ST7: variants seen among roughly 807,000 people sequenced by gnomAD.
ST7 encodes suppressor of tumorigenicity 7 protein.
Under a neutral mutation model 78.7 loss-of-function variants are expected in ST7, and 28 were observed. That is an observed-to-expected ratio of 0.36 (90% CI 0.26 to 0.49). ST7 has a LOEUF of 0.49. Ranked by LOEUF, ST7 falls within the 20% of genes least tolerant of loss-of-function variation. ST7 has a pLI of 0.99. For synonymous variants in ST7, 247 were observed against 249.6 expected (o/e 0.99, Z 0.10); for missense variants, 418 against 696.0 (o/e 0.60, Z 4.49).
chr7:117,223,875 T>G (rs1185169341), intron 15 of ST7: 2 of 867,092 alleles, frequency 2.3e-6, no homozygotes, highest in Non-Finnish European at 2.8e-6. Context: ...TTGCTCATAG[T>G]AGGTTTTCAA....
intron 15 of ST7, chr7:117,222,742 C>G (rs2116188678): frequency 1.2e-6 from 1 of 813,570 alleles, no homozygotes; most frequent in East Asian, 2.5e-5. Context: ...GAGTTTCAAA[C>G]AGAAGGAATA....
Position 117,222,686 on chromosome 7 carries a change from A to G in ST7, c.1638+624A>G, listed in dbSNP as rs997652664. On this transcript the variant is annotated intron_variant, in intron 15 of 15. Transcript: ENST00000323984. ...TCTTTGTTGAAAACTGACCATTTCAACCTGCACATGCAGTTGAGGATAAGT... is the reference window on the plus strand; with the variant it reads ...TCTTTGTTGAAAACTGACCATTTCAGCCTGCACATGCAGTTGAGGATAAGT... Among the ~76,000 whole-genome samples the G allele has an allele frequency of 9.2e-5, 14 of 152,212 alleles. 1 individual carries two copies. The highest frequency in any genetic ancestry group is 3.4e-4 in the African/African-American group (14 of 41,444).
intron 9 of ST7, among the ~76,000 whole-genome samples, chr7:117,152,877 CAG>C (rs141833976): frequency 2.6e-5 from 4 of 151,086 alleles, no homozygotes; most frequent in Non-Finnish European, 3.0e-5. Flanking sequence ...ATGTCTGTCT[CAG>C]AGAGAGAGAG....
chr7:117,006,904 A>G (rs1167531343), intron 1 of ST7, among the ~76,000 whole-genome samples: 1 of 152,228 alleles, frequency 6.6e-6, no homozygotes, highest in Non-Finnish European at 1.5e-5. Context: ...GCCGCAAACC[A>G]CATCCATATA....
chr7:117,186,874 G>T (rs910615259), intron 10 of ST7, among the ~76,000 whole-genome samples: 1 of 152,134 alleles, frequency 6.6e-6, no homozygotes, highest in African/African-American at 2.4e-5. Context: ...AAACAATGTT[G>T]TGATGAACAA....
chr7:117,147,280 G>A (rs566133905), intron 9 of ST7, among the ~76,000 whole-genome samples: 101 of 152,178 alleles, frequency 6.6e-4, no homozygotes, highest in African/African-American at 2.1e-3. Context: ...CAGCAGTGCT[G>A]CAATGAACAT....
At chr7:117,009,857 G>A (rs538954483) in intron 1 of ST7, among the ~76,000 whole-genome samples, 1 of 152,196 alleles carries the variant, frequency 6.6e-6, no homozygotes, top group African/African-American at 2.4e-5. Flanking sequence ...TGAGGCCACT[G>A]TAAGAAGGGA....
intron 1 of ST7, among the ~76,000 whole-genome samples, chr7:117,069,142 TG>T (rs1327604458): frequency 6.6e-6 from 1 of 152,254 alleles, no homozygotes; most frequent in Non-Finnish European, 1.5e-5. Flanking sequence ...CTATATATTT[TG>T]TATTTGAAAA....
intron 10 of ST7, among the ~76,000 whole-genome samples, chr7:117,177,439 A>C (rs1808424700): frequency 6.6e-6 from 1 of 152,194 alleles, no homozygotes; most frequent in African/African-American, 2.4e-5. Context: ...CCAAGGTAAC[A>C]TCCCTCCCCA....
At chr7:117,149,461 A>T (rs560129403) in intron 9 of ST7, among the ~76,000 whole-genome samples, 1 of 151,966 alleles carries the variant, frequency 6.6e-6, no homozygotes, top group Non-Finnish European at 1.5e-5. Context: ...TCAAGTTTTC[A>T]TTGGAGAGAT....
chr7:116,985,549 G>A (rs1462438136), intron 1 of ST7, among the ~76,000 whole-genome samples: 3 of 152,108 alleles, frequency 2.0e-5, no homozygotes, highest in Non-Finnish European at 4.4e-5. Flanking sequence ...TTTACTTTCT[G>A]AACAAATTCA....
chr7:117,123,088 T>A (rs957260696), intron 3 of ST7, among the ~76,000 whole-genome samples: 1 of 152,182 alleles, frequency 6.6e-6, no homozygotes, highest in Non-Finnish European at 1.5e-5. Flanking sequence ...GATGGCCCTT[T>A]GCTGAATTGT....
At chr7:116,991,941 G>A (rs1794451454) in intron 1 of ST7, among the ~76,000 whole-genome samples, 1 of 152,158 alleles carries the variant, frequency 6.6e-6, no homozygotes, top group Admixed American at 6.5e-5. Context: ...CTAAAATCTA[G>A]TGGGGCAGTC....
At chr7:117,048,371 G>C (rs1285934884) in intron 1 of ST7, among the ~76,000 whole-genome samples, 1 of 152,088 alleles carries the variant, frequency 6.6e-6, no homozygotes, top group Non-Finnish European at 1.5e-5. Context: ...TCATAGAATG[G>C]TCCATGTTGT....
intron 14 of ST7, among the ~76,000 whole-genome samples, chr7:117,220,545 T>C (rs1793013819): frequency 6.6e-6 from 1 of 152,220 alleles, no homozygotes; most frequent in East Asian, 1.9e-4. Flanking sequence ...TGGGGATAGA[T>C]TAGTTATTAG....
At chr7:117,213,244 T>C (rs999315864) in intron 13 of ST7, among the ~76,000 whole-genome samples, 1 of 152,206 alleles carries the variant, frequency 6.6e-6, no homozygotes, top group African/African-American at 2.4e-5. Flanking sequence ...TTTTCTCCTT[T>C]GAATCATTTT....
intron 1 of ST7, among the ~76,000 whole-genome samples, chr7:116,964,418 A>G (rs958594850): frequency 5.3e-5 from 8 of 152,142 alleles, no homozygotes; most frequent in African/African-American, 1.7e-4. Context: ...GTGTTTTGCA[A>G]TTTATTACAC....
intron 13 of ST7, 129 bp from the exon 14 acceptor site, chr7:117,218,955 G>A: frequency 1.2e-5 from 8 of 659,580 alleles, no homozygotes; most frequent in Non-Finnish European, 2.1e-5. Context: ...CACATAGCTT[G>A]GTGGGGTAAG....
intron 1 of ST7, among the ~76,000 whole-genome samples, chr7:117,078,216 A>T (rs926050234): frequency 7.2e-5 from 11 of 152,262 alleles, no homozygotes; most frequent in African/African-American, 2.7e-4. Context: ...AGCCATGTTC[A>T]TGTAGTAGTT....
Sources: allele counts gnomAD v4.1 joint callset (sites outside exome capture counted in the v4.1 genomes callset), GRCh38; gene constraint gnomAD v4.1.1; transcripts MANE v1.5; gene names NCBI Gene and HGNC (gene_info 2026-07-23, HGNC 2026-07-21).